Variants in PDE10A observed in about 807,000 individuals in gnomAD.
The protein encoded by PDE10A is phosphodiesterase 10A.
PDE10A carries 39 observed loss-of-function variants against 97.7 expected under a neutral mutation model. The ratio of observed to expected loss-of-function variants is 0.40; its 90% CI spans 0.31 to 0.52. The LOEUF is 0.52. Ranked by LOEUF, PDE10A falls within the 20% of genes least tolerant of loss-of-function variation. The pLI is 0.56. For synonymous variants in PDE10A, 371 were observed against 376.8 expected, an observed-to-expected ratio of 0.98 and a Z score of 0.18; for missense variants, 731 against 1,047.8, an observed-to-expected ratio of 0.70 and a Z score of 4.17.
intron 1 of PDE10A, among the ~76,000 whole-genome samples, chr6:165,739,246 A>G (rs948211995): frequency 1.3e-5 from 2 of 152,182 alleles, no homozygotes; most frequent in Non-Finnish European, 2.9e-5. Flanking sequence ...ATTCTACAAA[A>G]CTATAGTAAT....
At chr6:165,505,901 C>A (rs937330949) in intron 2 of PDE10A, among the ~76,000 whole-genome samples, 10 of 151,954 alleles carry the variant, frequency 6.6e-5, no homozygotes, top group Non-Finnish European at 1.3e-4. Flanking sequence ...AAATAAAATT[C>A]TTCAAATATT....
intron 5 of PDE10A, among the ~76,000 whole-genome samples, chr6:165,443,909 C>T (rs995566820): frequency 6.6e-6 from 1 of 151,980 alleles, no homozygotes; most frequent in African/African-American, 2.4e-5. Context: ...GTCCTGGAGA[C>T]ATTTTCCCTA....
chr6:165,718,637 C>T lies in PDE10A; in HGVS notation c.-614-175069G>A, dbSNP rs998042653. Among the ~76,000 whole-genome samples the T allele has an allele frequency of 6.6e-5, 10 of 151,242 alleles. 1 individual carries two copies. In the South Asian group the frequency reaches 1.0e-3, roughly 16 times the overall value. On this transcript the variant is annotated intron_variant, in intron 1 of 19. Transcript: ENST00000366882. The stretch of plus-strand genomic sequence containing the variant: ...GCAGGCTTGTGTGTATATACCCGAA[C>T]CCCCACCTTTTCCCCCCGGACGAGA...
intron 1 of PDE10A, among the ~76,000 whole-genome samples, chr6:165,752,511 T>C (rs971400512): frequency 2.0e-5 from 3 of 152,358 alleles, no homozygotes; most frequent in Non-Finnish European, 2.9e-5. Flanking sequence ...ATGTTTGGGA[T>C]AATTTGTTAT....
intron 2 of PDE10A, among the ~76,000 whole-genome samples, chr6:165,509,930 T>A (rs896080475): frequency 4.6e-5 from 7 of 152,060 alleles, no homozygotes; most frequent in African/African-American, 1.4e-4. Context: ...TTTTGTACCC[T>A]GCAACTATAC....
intron 1 of PDE10A, among the ~76,000 whole-genome samples, chr6:165,616,473 T>A (rs1686361013): frequency 6.6e-6 from 1 of 152,190 alleles, no homozygotes; most frequent in Admixed American, 6.5e-5. Context: ...GAAAAACGTT[T>A]TTTTTAGGCC....
intron 1 of PDE10A, among the ~76,000 whole-genome samples, chr6:165,691,164 T>TCTCG (rs1791276343): frequency 3.4e-5 from 1 of 29,476 alleles, no homozygotes; most frequent in African/African-American, 9.9e-5. Flanking sequence ...TAATATTCTC[T>TCTCG]CTTTCTTTCT....
chr6:165,804,566 G>A (rs62427300), intron 1 of PDE10A, among the ~76,000 whole-genome samples: 12,888 of 152,144 alleles, frequency 0.085, 796 homozygotes, highest in African/African-American at 0.17. Context: ...GTGGTGAAGT[G>A]GCTGCAGGTT....
intron 1 of PDE10A, among the ~76,000 whole-genome samples, chr6:165,864,789 T>C (rs551092749): frequency 7.9e-5 from 12 of 152,352 alleles, no homozygotes; most frequent in African/African-American, 1.9e-4. Flanking sequence ...AAACGAATTA[T>C]GGCAGACTAT....
At chr6:165,440,394 A>G (rs1362959849) in intron 5 of PDE10A, among the ~76,000 whole-genome samples, 3 of 152,230 alleles carry the variant, frequency 2.0e-5, no homozygotes, top group Admixed American at 6.5e-5. Flanking sequence ...TTGTATCCCA[A>G]GTAACAAAAC....
intron 1 of PDE10A, among the ~76,000 whole-genome samples, chr6:165,657,922 C>T (rs1298117191): frequency 6.6e-6 from 1 of 152,188 alleles, no homozygotes; most frequent in Admixed American, 6.5e-5. Flanking sequence ...CTTTGCTGGT[C>T]ATTTTTGTAG....
chr6:165,629,919 TGAG>T (rs1788555455), intron 1 of PDE10A, among the ~76,000 whole-genome samples: 1 of 152,198 alleles, frequency 6.6e-6, no homozygotes, highest in Non-Finnish European at 1.5e-5. Flanking sequence ...TTTAGTCAGC[TGAG>T]GAGTAGCAAT....
intron 2 of PDE10A, among the ~76,000 whole-genome samples, chr6:165,502,857 G>A (rs115737365): frequency 3.7e-4 from 57 of 152,256 alleles, no homozygotes; most frequent in African/African-American, 1.3e-3. Context: ...GGTGTAGGAG[G>A]GAACATTACC....
chr6:165,801,962 A>G (rs190274560), intron 1 of PDE10A, among the ~76,000 whole-genome samples: 13 of 152,320 alleles, frequency 8.5e-5, no homozygotes, highest in Non-Finnish European at 7.3e-5. Flanking sequence ...GACAACAGGC[A>G]GCCACGTGTT....
At chr6:165,343,824 G>T (rs1468437739) in intron 18 of PDE10A, among the ~76,000 whole-genome samples, 1 of 152,188 alleles carries the variant, frequency 6.6e-6, no homozygotes, top group East Asian at 1.9e-4. Flanking sequence ...TATGGCTATG[G>T]ATCAGGCTTT....
chr6:165,529,587 A>G (rs587941), intron 2 of PDE10A, among the ~76,000 whole-genome samples: 105,207 of 152,138 alleles, frequency 0.69, 39,703 homozygotes, highest in Non-Finnish European at 0.83. Flanking sequence ...ACTGTCATGA[A>G]TATTTCCTCC....
intron 17 of PDE10A, among the ~76,000 whole-genome samples, chr6:165,386,770 A>G (rs145263970): frequency 0.024 from 3,628 of 151,830 alleles, 173 homozygotes; most frequent in South Asian, 0.079. Flanking sequence ...TGGGAGGCTG[A>G]GGCGGGCGGA....
At chr6:165,453,419 T>C (rs1388225940) in intron 3 of PDE10A, among the ~76,000 whole-genome samples, 3 of 152,146 alleles carry the variant, frequency 2.0e-5, no homozygotes, top group Admixed American at 2.0e-4. Flanking sequence ...ATCAAGACAA[T>C]GGGAGAAAGA....
At chr6:165,487,642 T>G (rs1779996788) in intron 2 of PDE10A, among the ~76,000 whole-genome samples, 1 of 152,116 alleles carries the variant, frequency 6.6e-6, no homozygotes, top group South Asian at 2.1e-4. Flanking sequence ...CTAGTGATAT[T>G]ACATTGGGCA....
Sources: allele counts gnomAD v4.1 joint callset (sites outside exome capture counted in the v4.1 genomes callset), GRCh38; gene constraint gnomAD v4.1.1; transcripts MANE v1.5; gene names NCBI Gene and HGNC (gene_info 2026-07-23, HGNC 2026-07-21).